The following SPOCK1 variants were observed in gnomAD, a reference collection of about 807,000 sequenced individuals.
The protein encoded by SPOCK1 is testican-1.
SPOCK1 carries 23 observed loss-of-function variants against 55.3 expected under a neutral mutation model. The ratio of observed to expected loss-of-function variants is 0.42; its 90% confidence interval spans 0.30 to 0.59. SPOCK1 has a LOEUF of 0.59. SPOCK1 is among the 20% of genes least tolerant of loss of function. SPOCK1 has a pLI of 0.22. For missense variants in SPOCK1, 499 were observed against 552.5 expected (o/e 0.90, Z 0.97); for synonymous variants, 226 against 221.0 (o/e 1.02, Z -0.20).
Position 137,482,690 on chromosome 5 carries a change from T to C in SPOCK1, c.186+15683A>G, listed in dbSNP as rs148024925. Among the ~76,000 whole-genome samples, 97 of 152,164 alleles carry C rather than the reference T, an allele frequency of 6.4e-4. 1 individual carries two copies. The highest frequency in any genetic ancestry group is 5.8e-3 in the South Asian group (28 of 4,812). ...TCATTAAAATTTGCCATGCAGCAGA[T>C]GAAAAAGAAGCAAGCTGTGAACAAG... On this transcript the variant is annotated intron_variant, in intron 2 of 10. Transcript: ENST00000394945.
intron 2 of SPOCK1, among the ~76,000 whole-genome samples, chr5:137,287,370 C>T (rs1757290278): frequency 6.6e-6 from 1 of 152,218 alleles, no homozygotes; most frequent in Non-Finnish European, 1.5e-5. Context: ...CACACAGAGG[C>T]ATGCTCCTGC....
At chr5:137,408,782 T>C (rs1752151805) in intron 2 of SPOCK1, among the ~76,000 whole-genome samples, 1 of 152,160 alleles carries the variant, frequency 6.6e-6, no homozygotes, top group Admixed American at 6.5e-5. Context: ...GAATAAGATG[T>C]CAAGGAAAGA....
intron 2 of SPOCK1, among the ~76,000 whole-genome samples, chr5:137,478,563 C>T (rs1753882990): frequency 6.6e-6 from 1 of 152,056 alleles, no homozygotes. Flanking sequence ...CAAGCTTTCC[C>T]CCCAGCCCCT....
intron 3 of SPOCK1, among the ~76,000 whole-genome samples, chr5:137,165,838 G>C (rs532342644): frequency 8.0e-4 from 122 of 152,102 alleles, no homozygotes; most frequent in Non-Finnish European, 1.5e-3. Context: ...GAGCTTGAAG[G>C]CAGGCCATTT....
At chr5:137,321,696 A>T (rs1249579396) in intron 2 of SPOCK1, among the ~76,000 whole-genome samples, 1 of 152,118 alleles carries the variant, frequency 6.6e-6, no homozygotes, top group Non-Finnish European at 1.5e-5. Context: ...CAAGATGGTG[A>T]AATCCTATCT....
intron 2 of SPOCK1, among the ~76,000 whole-genome samples, chr5:137,283,745 A>C (rs958591845): frequency 6.6e-6 from 1 of 152,108 alleles, no homozygotes; most frequent in Non-Finnish European, 1.5e-5. Context: ...AAAAAAAAAA[A>C]CTAGTGTAGA....
At chr5:136,981,603 G>A (rs929808232) in intron 9 of SPOCK1, among the ~76,000 whole-genome samples, 1 of 152,136 alleles carries the variant, frequency 6.6e-6, no homozygotes, top group Non-Finnish European at 1.5e-5. Context: ...ATGTATGGGG[G>A]TTTAGTAATC....
At chr5:137,038,433 A>G (rs1751926631) in intron 6 of SPOCK1, among the ~76,000 whole-genome samples, 1 of 152,190 alleles carries the variant, frequency 6.6e-6, no homozygotes, top group Admixed American at 6.5e-5. Context: ...TTCCTCCTGT[A>G]GAAATATTTT....
At chr5:137,187,156 C>T (rs773613460) in intron 3 of SPOCK1, among the ~76,000 whole-genome samples, 1 of 152,200 alleles carries the variant, frequency 6.6e-6, no homozygotes, top group Non-Finnish European at 1.5e-5. Context: ...GATAATGCAG[C>T]ATGCCGCCCA....
chr5:137,446,603 C>T (rs1046479308), intron 2 of SPOCK1, among the ~76,000 whole-genome samples: 12 of 152,152 alleles, frequency 7.9e-5, no homozygotes, highest in Non-Finnish European at 1.2e-4. Flanking sequence ...AAAGACAAGA[C>T]GGGCACAAGT....
intron 2 of SPOCK1, among the ~76,000 whole-genome samples, chr5:137,457,100 G>A (rs1753383223): frequency 6.6e-6 from 1 of 152,184 alleles, no homozygotes; most frequent in South Asian, 2.1e-4. Flanking sequence ...CAACTCATCA[G>A]ATAGATAAAT....
intron 3 of SPOCK1, among the ~76,000 whole-genome samples, chr5:137,251,462 C>T (rs1756527414): frequency 6.6e-6 from 1 of 152,228 alleles, no homozygotes. Flanking sequence ...CAAGTGACTT[C>T]TCTCTAGCCT....
intron 2 of SPOCK1, among the ~76,000 whole-genome samples, chr5:137,356,822 TATA>T (rs1217758597): frequency 4.3e-5 from 1 of 23,246 alleles, no homozygotes; most frequent in Non-Finnish European, 7.7e-5. Flanking sequence ...TATATATATA[TATA>T]TATATATATA....
intron 2 of SPOCK1, among the ~76,000 whole-genome samples, chr5:137,459,706 C>T (rs141204628): frequency 8.5e-4 from 130 of 152,236 alleles, no homozygotes; most frequent in African/African-American, 3.0e-3. Flanking sequence ...AAACCAAGTG[C>T]CCTGCGCTCC....
chr5:137,114,843 T>G (rs1278942682), intron 4 of SPOCK1, among the ~76,000 whole-genome samples: 1 of 152,264 alleles, frequency 6.6e-6, no homozygotes, highest in African/African-American at 2.4e-5. Flanking sequence ...GAAGCAATTC[T>G]TGTTATGAGT....
At chr5:137,441,911 G>A (rs1350755489) in intron 2 of SPOCK1, among the ~76,000 whole-genome samples, 1 of 152,154 alleles carries the variant, frequency 6.6e-6, no homozygotes, top group Non-Finnish European at 1.5e-5. Context: ...CCCCAACAGA[G>A]CCAGAAAGCA....
At chr5:137,442,860 T>C (rs1753043538) in intron 2 of SPOCK1, among the ~76,000 whole-genome samples, 1 of 152,244 alleles carries the variant, frequency 6.6e-6, no homozygotes, top group African/African-American at 2.4e-5. Flanking sequence ...TTGTTTTTCA[T>C]GTTCCATTTT....
At chr5:137,257,831 T>A (rs1756666447) in intron 3 of SPOCK1, among the ~76,000 whole-genome samples, 1 of 152,152 alleles carries the variant, frequency 6.6e-6, no homozygotes. Context: ...CCAGCTTCTG[T>A]CAGGGCACCT....
At chr5:137,427,907 T>TAAA (rs75837887) in intron 2 of SPOCK1, among the ~76,000 whole-genome samples, 16 of 104,172 alleles carry the variant, frequency 1.5e-4, no homozygotes, top group African/African-American at 5.8e-4. Flanking sequence ...AGACTCCGTC[T>TAAA]AAAAAAAAAA....
Sources: allele counts gnomAD v4.1 joint callset (sites outside exome capture counted in the v4.1 genomes callset), GRCh38; gene constraint gnomAD v4.1.1; transcripts MANE v1.5; gene names NCBI Gene and HGNC (gene_info 2026-07-23, HGNC 2026-07-21).